NF1: variants seen among roughly 807,000 people sequenced by gnomAD.
NF1 encodes the protein neurofibromin 1.
In NF1, 122 loss-of-function variants were observed where a neutral mutation model predicts 325.7. The ratio of observed to expected loss-of-function variants is 0.37; its 90% CI spans 0.32 to 0.44. The LOEUF (loss-of-function observed/expected upper bound fraction) is 0.44, where lower values mean the gene tolerates loss of function less well. Ranked by LOEUF, NF1 falls within the 20% of genes least tolerant of loss-of-function variation. NF1 has a pLI of 1.00. For missense variants in NF1, 2,140 were observed against 3,415.4 expected, an observed-to-expected ratio of 0.63 and a Z score of 9.31; for synonymous variants, 1,091 against 1,186.0, an observed-to-expected ratio of 0.92 and a Z score of 1.65.
At chr17:31,217,118 T>G (rs1462533420) in intron 13 of NF1, among the ~76,000 whole-genome samples, 4 of 152,188 alleles carry the variant, frequency 2.6e-5, no homozygotes, top group Admixed American at 1.3e-4. Context: ...CTTCTCTTTT[T>G]CATTGTTGTG....
intron 57 of NF1, among the ~76,000 whole-genome samples, chr17:31,364,269 A>C (rs2070465828): frequency 1.3e-5 from 2 of 152,212 alleles, no homozygotes; most frequent in Admixed American, 1.3e-4. Context: ...AAATTACCCA[A>C]CATCAACCTA....
At chr17:31,107,763 G>A (rs182286726) in intron 1 of NF1, among the ~76,000 whole-genome samples, 1 of 152,140 alleles carries the variant, frequency 6.6e-6, no homozygotes, top group African/African-American at 2.4e-5. Flanking sequence ...GTGCAATGGT[G>A]GTCAGTACTC....
intron 8 of NF1, among the ~76,000 whole-genome samples, chr17:31,199,150 G>C (rs1406874522): frequency 6.6e-6 from 1 of 151,420 alleles, no homozygotes. Flanking sequence ...TCTTTTTCTA[G>C]TTCCTTGAGG....
chr17:31,254,749 A>G (rs919679558), intron 31 of NF1, among the ~76,000 whole-genome samples: 1 of 151,646 alleles, frequency 6.6e-6, no homozygotes, highest in African/African-American at 2.4e-5. Context: ...TACTAGAGTT[A>G]TTTTCAAAAA....
intron 1 of NF1, among the ~76,000 whole-genome samples, chr17:31,128,119 T>C (rs1278254499): frequency 6.7e-6 from 1 of 149,950 alleles, no homozygotes; most frequent in Non-Finnish European, 1.5e-5. Flanking sequence ...TTTTTGTATT[T>C]TTTTTTTTTT....
At chr17:31,305,822 A>G (rs1003013442) in intron 36 of NF1, among the ~76,000 whole-genome samples, 1 of 152,204 alleles carries the variant, frequency 6.6e-6, no homozygotes, top group Non-Finnish European at 1.5e-5. Flanking sequence ...ACTCTTGGAT[A>G]TACTCTAACC....
Position 31,291,916 on chromosome 17 carries a change from T to A in NF1, c.4835+26577T>A, listed in dbSNP as rs542400229. Among the ~76,000 whole-genome samples, 4 of 151,404 alleles carry A rather than the reference T, an allele frequency of 2.6e-5. No homozygotes were observed. In the East Asian group the frequency reaches 7.8e-4, roughly 30 times the overall value. ...TGTAGAGCTGAAATGTTTCCATATA[T>A]GGGAATTTCTCATAGCATTGGGTTT... On this transcript the variant is annotated intron_variant, in intron 36 of 57. Transcript: ENST00000358273.
intron 38 of NF1, among the ~76,000 whole-genome samples, chr17:31,328,559 C>T (rs2069404606): frequency 6.6e-6 from 1 of 152,080 alleles, no homozygotes; most frequent in Admixed American, 6.6e-5. Context: ...AGCAAACTAG[C>T]AAATAGTTTA....
rs891004522 is a variant in NF1, at chr17:31,375,443, G to A, written c.*1288G>A. 23 of 231,638 alleles carry A rather than the reference G, an allele frequency of 9.9e-5. No homozygotes were observed. Among genetic ancestry groups the A allele is most frequent in the Non-Finnish European group, 1.5e-4 (18 of 116,916 alleles). The allele number at this position is 231,638 out of a possible 1,614,324, so 14.3% of individuals were successfully genotyped here. On this transcript the variant is annotated 3_prime_UTR_variant, in exon 58 of 58. Transcript: ENST00000358273. Reference sequence around the variant, plus strand: ...TGGTGGTATGGATTATCATGGCATTGGAATTTTCATAGTAATGCAGATCCA... The same window carrying A: ...TGGTGGTATGGATTATCATGGCATTAGAATTTTCATAGTAATGCAGATCCA...
intron 10 of NF1, 23 bp from the exon 11 acceptor site, chr17:31,201,388 C>CTT (rs763903212): frequency 2.1e-5 from 30 of 1,432,302 alleles, no homozygotes; most frequent in Admixed American, 7.3e-5. Flanking sequence ...AAATAATCTG[C>CTT]TTTTTTTTTT....
In NF1 at chr17:31,314,733, T is replaced by A. The variant is rs957100490; in HGVS notation, c.4836-11087T>A. Reference sequence around the variant, plus strand: ...TATAGACACTTAGGTTGCTTCCAAATCTTGGCTGTTGTGAATAGTGTTACA... The same window carrying A: ...TATAGACACTTAGGTTGCTTCCAAAACTTGGCTGTTGTGAATAGTGTTACA... On this transcript the variant is annotated intron_variant, in intron 36 of 57. Transcript: ENST00000358273. Among the ~76,000 whole-genome samples, 10 of 152,326 alleles carry A rather than the reference T, an allele frequency of 6.6e-5. 1 individual carries two copies. The highest frequency in any genetic ancestry group is 1.2e-4 in the Non-Finnish European group (8 of 68,026).
At position 31,260,531 on chromosome 17, in the gene NF1, C is replaced by T. The variant is rs2151464925; in HGVS notation, c.4577+16C>T. ...CCAGCAACAGGTAAGATTTCCCAGT[C>T]ATGGGGATAGTGAACACTCTCCGTT... is the stretch of plus-strand genomic sequence containing the variant. On this transcript the variant is annotated intron_variant, in intron 34 of 57. Transcript: ENST00000358273. The T allele has an allele frequency of 4.3e-6, 7 of 1,613,350 alleles. No homozygotes were observed. The highest frequency in any genetic ancestry group is 5.9e-6 in the Non-Finnish European group (7 of 1,179,734).
At chr17:31,133,004 A>G (rs1055753927) in intron 1 of NF1, among the ~76,000 whole-genome samples, 5 of 152,242 alleles carry the variant, frequency 3.3e-5, no homozygotes, top group Non-Finnish European at 5.9e-5. Context: ...TGCACATAAC[A>G]TAAACGTTAC....
intron 8 of NF1, among the ~76,000 whole-genome samples, chr17:31,185,924 G>C (rs1021955324): frequency 6.6e-6 from 1 of 152,250 alleles, no homozygotes. Flanking sequence ...GCAAGGCCCT[G>C]CCATCTTCTG....
At chr17:31,250,804 T>G (rs1266962856) in intron 30 of NF1, 1 of 188,090 alleles carries the variant, frequency 5.3e-6, no homozygotes, top group Non-Finnish European at 1.1e-5. Flanking sequence ...TATGTGGTGA[T>G]TATTAAACAG....
chr17:31,301,146 G>GC (rs2068565409), intron 36 of NF1, among the ~76,000 whole-genome samples: 1 of 152,030 alleles, frequency 6.6e-6, no homozygotes, highest in Admixed American at 6.5e-5. Flanking sequence ...ATGCGCACTT[G>GC]CATGTGTGTG....
intron 36 of NF1, among the ~76,000 whole-genome samples, chr17:31,268,165 G>A (rs1305672582): frequency 2.6e-5 from 4 of 152,070 alleles, no homozygotes; most frequent in African/African-American, 4.8e-5. Context: ...ATAGTAACCC[G>A]TTCATTATCT....
rs780400882 is a variant in NF1 at position 31,181,504 on chromosome 17, C to T, written c.654+15C>T. ...GCCTGGAAAAGGTAAGTTACAACCT[C>T]TCTGGTATTAAAATTTTGTTTTTGA... is the stretch of plus-strand genomic sequence containing the variant. On this transcript the variant is annotated intron_variant, in intron 6 of 57. Transcript: ENST00000358273. 1.3e-5 allele frequency: 21 copies of T among 1,612,012 alleles called. No individual in the cohort carries two copies. The highest frequency in any genetic ancestry group is 1.7e-5 in the Non-Finnish European group (20 of 1,178,416).
Position 31,095,293 on chromosome 17 carries a change from C to A in NF1, c.-17C>A. The A allele has an allele frequency of 8.5e-6, 13 of 1,536,082 alleles. No individual in the cohort carries two copies. The highest frequency in any genetic ancestry group is 1.1e-5 in the Non-Finnish European group (13 of 1,146,056). ...GGCCCACCCTTCCCTCCGCCGCCCC[C>A]CGGCCGCGGGGAGGACATGGCCGCG... On this transcript the variant is annotated 5_prime_UTR_variant, in exon 1 of 58. Transcript: ENST00000358273.
Sources: allele counts gnomAD v4.1 joint callset (sites outside exome capture counted in the v4.1 genomes callset), GRCh38; gene constraint gnomAD v4.1.1; transcripts MANE v1.5; gene names NCBI Gene and HGNC (gene_info 2026-07-23, HGNC 2026-07-21).